The following SCFD2 variants were observed in gnomAD, a reference collection of about 807,000 sequenced individuals.
The protein encoded by SCFD2 is sec1 family domain-containing protein 2.
SCFD2 carries 54 observed loss-of-function variants against 58.9 expected under a neutral mutation model. The observed-to-expected ratio is 0.92, with a 90% confidence interval of 0.74 to 1.15. SCFD2 has a LOEUF of 1.15. Ranked by LOEUF, SCFD2 falls within the 50% of genes most tolerant of loss-of-function variation. The pLI, the probability that SCFD2 is intolerant of heterozygous loss-of-function variation, is 0.00. For synonymous variants in SCFD2, 321 were observed against 335.9 expected, an observed-to-expected ratio of 0.96 and a Z score of 0.49; for missense variants, 805 against 836.6, an observed-to-expected ratio of 0.96 and a Z score of 0.47.
At chr4:53,300,571 A>C (rs1422945541) in intron 3 of SCFD2, among the ~76,000 whole-genome samples, 1 of 152,080 alleles carries the variant, frequency 6.6e-6, no homozygotes, top group African/African-American at 2.4e-5. Flanking sequence ...ATACCCAGGA[A>C]TTGAACGCAG....
At chr4:53,177,794 A>T (rs1300779483) in intron 4 of SCFD2, among the ~76,000 whole-genome samples, 1 of 152,104 alleles carries the variant, frequency 6.6e-6, no homozygotes, top group East Asian at 1.9e-4. Context: ...AAAGCAGGTC[A>T]CTCCCACCCT....
chr4:53,183,939 C>A (rs1023254969), intron 4 of SCFD2, among the ~76,000 whole-genome samples: 17 of 152,160 alleles, frequency 1.1e-4, no homozygotes, highest in African/African-American at 4.1e-4. Flanking sequence ...TGAGCAAGCA[C>A]ATACAACAGT....
intron 5 of SCFD2, among the ~76,000 whole-genome samples, chr4:52,992,974 G>T (rs528253406): frequency 2.6e-5 from 4 of 152,080 alleles, no homozygotes; most frequent in African/African-American, 9.6e-5. Context: ...GTGGGGAAAA[G>T]ATAGAGAAAT....
chr4:53,067,644 C>A (rs180774633), intron 5 of SCFD2, among the ~76,000 whole-genome samples: 3 of 152,106 alleles, frequency 2.0e-5, no homozygotes, highest in Non-Finnish European at 4.4e-5. Flanking sequence ...CTTCTCTCAC[C>A]TGCTGTCATG....
intron 5 of SCFD2, among the ~76,000 whole-genome samples, chr4:52,968,915 C>T (rs554625400): frequency 1.3e-5 from 2 of 152,260 alleles, no homozygotes; most frequent in South Asian, 4.1e-4. Flanking sequence ...CTCTGCTAGG[C>T]CCATATGTTC....
intron 5 of SCFD2, among the ~76,000 whole-genome samples, chr4:53,097,053 T>A (rs1724672118): frequency 6.6e-6 from 1 of 152,234 alleles, no homozygotes; most frequent in African/African-American, 2.4e-5. Context: ...CTGAGGGATC[T>A]GTTCTGTTCC....
intron 5 of SCFD2, among the ~76,000 whole-genome samples, chr4:53,054,287 G>A (rs1723263068): frequency 6.6e-6 from 1 of 152,118 alleles, no homozygotes; most frequent in Non-Finnish European, 1.5e-5. Context: ...ATATTCCCCT[G>A]TGTATTTTTC....
chr4:53,246,415 C>G (rs1730074481), intron 4 of SCFD2, among the ~76,000 whole-genome samples: 1 of 152,122 alleles, frequency 6.6e-6, no homozygotes, highest in East Asian at 1.9e-4. Flanking sequence ...AAGAACAAAG[C>G]TGGACACATC....
intron 4 of SCFD2, among the ~76,000 whole-genome samples, chr4:53,241,488 G>A (rs1729891310): frequency 6.6e-6 from 1 of 152,128 alleles, no homozygotes; most frequent in African/African-American, 2.4e-5. Flanking sequence ...CCTCCAGGGG[G>A]CCCACATCAT....
At chr4:53,329,773 G>A (rs1278340883) in intron 2 of SCFD2, among the ~76,000 whole-genome samples, 1 of 151,534 alleles carries the variant, frequency 6.6e-6, no homozygotes, top group African/African-American at 2.4e-5. Flanking sequence ...GAGAGAAGAA[G>A]GCTTCAGACG....
chr4:53,307,699 G>A (rs1732560405), intron 3 of SCFD2, among the ~76,000 whole-genome samples: 1 of 152,168 alleles, frequency 6.6e-6, no homozygotes, highest in Non-Finnish European at 1.5e-5. Context: ...CAAATGTAGG[G>A]ACTTAAATGC....
intron 5 of SCFD2, among the ~76,000 whole-genome samples, chr4:53,007,816 C>A (rs918988203): frequency 2.6e-5 from 4 of 152,160 alleles, no homozygotes; most frequent in Admixed American, 2.6e-4. Context: ...GAGCATTGGT[C>A]TTAGTGCATT....
intron 5 of SCFD2, among the ~76,000 whole-genome samples, chr4:52,988,164 C>T (rs1721540659): frequency 6.6e-6 from 1 of 152,188 alleles, no homozygotes; most frequent in Non-Finnish European, 1.5e-5. Context: ...CTCCCGTCAT[C>T]AACTGCAGCA....
intron 5 of SCFD2, among the ~76,000 whole-genome samples, chr4:53,044,546 A>G (rs1722980429): frequency 7.1e-6 from 1 of 141,232 alleles, no homozygotes; most frequent in Non-Finnish European, 1.5e-5. Flanking sequence ...TTCTCCTTCT[A>G]TATACTTTAC....
At chr4:53,343,128 C>A (rs1016178474) in intron 2 of SCFD2, among the ~76,000 whole-genome samples, 1 of 151,296 alleles carries the variant, frequency 6.6e-6, no homozygotes, top group Non-Finnish European at 1.5e-5. Context: ...CTGAAGGAGA[C>A]AGAGACACAA....
At chr4:53,091,096 C>T (rs1724456305) in intron 5 of SCFD2, among the ~76,000 whole-genome samples, 1 of 151,908 alleles carries the variant, frequency 6.6e-6, no homozygotes, top group African/African-American at 2.4e-5. Context: ...GGTGTTATAC[C>T]ATTTCATACT....
At chr4:53,227,765 A>G (rs1425502879) in intron 4 of SCFD2, among the ~76,000 whole-genome samples, 1 of 152,200 alleles carries the variant, frequency 6.6e-6, no homozygotes, top group Non-Finnish European at 1.5e-5. Flanking sequence ...TATTCATAAA[A>G]CAAAAATAAG....
chr4:53,030,257 A>G lies in SCFD2; in HGVS notation c.1562-109387T>C, dbSNP rs570617268. 2.6e-4 allele frequency among the ~76,000 whole-genome samples: 40 copies of G among 152,318 alleles called. 1 individual carries two copies. In the South Asian group the frequency reaches 8.1e-3, roughly 31 times the overall value. Reference sequence around the variant, plus strand: ...CATTAGTCATTAGGGAAATGAAAATAAAAACCACAATGAGTGGTAGCTACA... The same window carrying G: ...CATTAGTCATTAGGGAAATGAAAATGAAAACCACAATGAGTGGTAGCTACA... On this transcript the variant is annotated intron_variant, in intron 5 of 8. Transcript: ENST00000401642.
chr4:53,303,094 G>A (rs542769193), intron 3 of SCFD2, among the ~76,000 whole-genome samples: 2 of 152,258 alleles, frequency 1.3e-5, no homozygotes, highest in African/African-American at 4.8e-5. Context: ...AGCCAAAATA[G>A]ACAAATGGAA....
Sources: allele counts gnomAD v4.1 joint callset (sites outside exome capture counted in the v4.1 genomes callset), GRCh38; gene constraint gnomAD v4.1.1; transcripts MANE v1.5; gene names NCBI Gene and HGNC (gene_info 2026-07-23, HGNC 2026-07-21).